The following CEACAM3 variants were observed in gnomAD, a reference collection of about 807,000 sequenced individuals.
The protein encoded by CEACAM3 is cell adhesion molecule CEACAM3.
CEACAM3 carries 32 observed loss-of-function variants against 30.1 expected under a neutral mutation model. The observed-to-expected ratio is 1.06, with a 90% CI of 0.80 to 1.43. The LOEUF (loss-of-function observed/expected upper bound fraction) is 1.43, where lower values mean the gene tolerates loss of function less well. CEACAM3 is among the 40% of genes most tolerant of loss of function. CEACAM3 has a pLI of 0.00. For synonymous variants in CEACAM3, 134 were observed against 127.2 expected (o/e 1.05, Z -0.36); for missense variants, 290 against 316.3 (o/e 0.92, Z 0.63).
chr19:41,803,426 ATGTGTGTG>A (rs1164324050), intron 2 of CEACAM3, among the ~76,000 whole-genome samples: 38 of 128,964 alleles, frequency 2.9e-4, no homozygotes, highest in Non-Finnish European at 5.7e-4. Context: ...TTGTGTGTGT[ATGTGTGTG>A]TGTGTGTGTG....
At chr19:41,807,039 T>A in intron 2 of CEACAM3, 1 of 1,599,482 alleles carries the variant, frequency 6.3e-7, no homozygotes, top group Non-Finnish European at 8.5e-7. Flanking sequence ...AGATGTTGAT[T>A]CTGATTAAAA....
chr19:41,809,783 G>A, intron 3 of CEACAM3, 182 bp from the exon 4 acceptor site: 1 of 662,004 alleles, frequency 1.5e-6, no homozygotes, highest in Non-Finnish European at 2.8e-6. Flanking sequence ...CAGGACAGAT[G>A]TGGGTTCCTA....
intron 2 of CEACAM3, among the ~76,000 whole-genome samples, chr19:41,798,653 G>T (rs1207796102): frequency 1.3e-5 from 2 of 152,198 alleles, no homozygotes; most frequent in African/African-American, 4.8e-5. Flanking sequence ...TCCCCAGGGG[G>T]AGGAAAAAGA....
rs144569050 is a variant in CEACAM3, at chr19:41,801,096, C to T, written c.424+3148C>T. On this transcript the variant is annotated intron_variant, in intron 2 of 6. Transcript: ENST00000357396. ...TGTAATCTCTGGCTATCTCTGCTAC[C>T]CCTTGTCCCTTATCTTCCTCCCCTT... Among the ~76,000 whole-genome samples the T allele has an allele frequency of 8.5e-5, 13 of 152,190 alleles. No individual in the cohort carries two copies. The East Asian group carries it at 2.3e-3, about 27-fold the overall frequency.
At chr19:41,801,721 G>T (rs941266602) in intron 2 of CEACAM3, among the ~76,000 whole-genome samples, 17 of 152,086 alleles carry the variant, frequency 1.1e-4, no homozygotes, top group African/African-American at 3.9e-4. Context: ...CTCTGAGTGG[G>T]GGCCACAAGA....
chr19:41,809,853 G>A, intron 3 of CEACAM3, 112 bp from the exon 4 acceptor site: 1 of 1,007,074 alleles, frequency 9.9e-7, no homozygotes, highest in Non-Finnish European at 1.6e-6. Context: ...AGGGAGACAG[G>A]AGGTCTCCAT....
rs375989647 is a variant in CEACAM3 at position 41,799,581 on chromosome 19, G to T, written c.424+1633G>T. ...AATCCCTTGTGTCAACAGAGTCAGT[G>T]CCAGGAATGTCCGGGCCTCCCTCTC... On this transcript the variant is annotated intron_variant, in intron 2 of 6. Transcript: ENST00000357396. Among the ~76,000 whole-genome samples the T allele has an allele frequency of 3.9e-5, 6 of 152,268 alleles. No homozygotes were observed. In the South Asian group the frequency reaches 1.2e-3, roughly 32 times the overall value.
Position 41,811,247 on chromosome 19 carries a change from G to A in CEACAM3, c.*10G>A, listed in dbSNP as rs782759524. The A allele has an allele frequency of 3.7e-6, 6 of 1,612,764 alleles. No individual in the cohort carries two copies. Among genetic ancestry groups the A allele is most frequent in the Non-Finnish European group, 5.1e-6 (6 of 1,179,462 alleles). On this transcript the variant is annotated 3_prime_UTR_variant, in exon 7 of 7. Transcript: ENST00000357396. ...AGAAGTGGCTTCTTAGCTTCCTCCA[G>A]GAGCTGCTCCTGTGTGTTGATGGAG... is the stretch of plus-strand genomic sequence containing the variant.
At chr19:41,805,674 T>G (rs2073192929) in intron 2 of CEACAM3, among the ~76,000 whole-genome samples, 1 of 152,252 alleles carries the variant, frequency 6.6e-6, no homozygotes, top group African/African-American at 2.4e-5. Flanking sequence ...CTTGTACGAC[T>G]GACTTCTTTC....
intron 1 of CEACAM3, 70 bp downstream of exon 1, chr19:41,796,811 G>T (rs1210015451): frequency 2.6e-6 from 4 of 1,519,440 alleles, no homozygotes; most frequent in Admixed American, 4.1e-5. Flanking sequence ...TCCTGGGGAG[G>T]ATGGGGCTCT....
chr19:41,808,720 C>A, intron 2 of CEACAM3, 93 bp from the exon 3 acceptor site: 1 of 974,338 alleles, frequency 1.0e-6, no homozygotes, highest in Non-Finnish European at 1.6e-6. Flanking sequence ...GCATCTCCTT[C>A]TTCCCTGACT....
rs377467224 is a variant in CEACAM3, at chr19:41,796,721, G to A, written c.44G>A (p.Trp15Ter). Residue 15 changes from tryptophan to a stop codon, truncating the protein, a stop_gained, in exon 1 of 7, where the codon TGG becomes TAG. Transcript: ENST00000357396. LOFTEE classifies it high-confidence loss of function. ...TCTCCCCACAGAGAATGCATCCCCT[G>A]GCAGGGGCTTCTGCTCACAGGTGAG... ...SASPHRECIP[W>*]QGLLLTASLL... 5 of 1,613,562 alleles carry A rather than the reference G, an allele frequency of 3.1e-6. No homozygotes were observed. The African/African-American group carries it at 4.0e-5, about 13-fold the overall frequency.
Position 41,797,510 on chromosome 19 carries a change from ACTCT to A in CEACAM3, c.65-75_65-72del, listed in dbSNP as rs1352676910. The A allele has an allele frequency of 2.0e-6, 3 of 1,528,080 alleles. No homozygotes were observed. In the African/African-American group the frequency reaches 4.2e-5, roughly 21 times the overall value. 94.7% of individuals were successfully genotyped at this position (1,528,080 alleles called of 1,614,324 possible). On this transcript the variant is annotated intron_variant, in intron 1 of 6. Coordinates refer to ENST00000357396, the MANE Select transcript of CEACAM3 (RefSeq NM_001815.5). ...CTCTCCAAGGCTGAAGGGTGAAGAG[ACTCT>A]CTCAGGACCCAGGGCCCCATCTTTC...
Sources: gnomAD v4.1 joint callset for allele counts (sites outside exome capture counted in the v4.1 genomes callset) on GRCh38, gnomAD v4.1.1 for gene constraint, MANE v1.5 for transcripts, NCBI Gene and HGNC (gene_info 2026-07-23, HGNC 2026-07-21) for gene names.